SOX5: variants seen among roughly 807,000 people sequenced by gnomAD.
The protein encoded by SOX5 is SRY-box transcription factor 5.
SOX5 carries 9 observed loss-of-function variants against 92.0 expected under a neutral mutation model. The observed-to-expected ratio is 0.10, with a 90% CI of 0.06 to 0.17. The LOEUF (loss-of-function observed/expected upper bound fraction) is 0.17, where lower values mean the gene tolerates loss of function less well. SOX5 is among the 10% of genes least tolerant of loss of function. The probability of loss-of-function intolerance (pLI) is 1.00; values close to 1 mark genes in which losing one functional copy is unlikely to be tolerated. For missense variants in SOX5, 642 were observed against 944.5 expected (o/e 0.68, Z 4.20); for synonymous variants, 344 against 336.3 (o/e 1.02, Z -0.25).
intron 1 of SOX5, among the ~76,000 whole-genome samples, chr12:24,374,027 A>T (rs1224051822): frequency 1.3e-5 from 2 of 152,232 alleles, no homozygotes; most frequent in Non-Finnish European, 2.9e-5. Flanking sequence ...CCCTTTACAA[A>T]ACAAAAGCAA....
chr12:23,549,086 C>A (rs566814766), intron 11 of SOX5, among the ~76,000 whole-genome samples: 1 of 151,912 alleles, frequency 6.6e-6, no homozygotes, highest in Admixed American at 6.6e-5. Flanking sequence ...TTAAATATTT[C>A]CTTTTCTAAA....
At chr12:23,814,018 G>A (rs1224956107) in intron 3 of SOX5, among the ~76,000 whole-genome samples, 1 of 151,932 alleles carries the variant, frequency 6.6e-6, no homozygotes, top group African/African-American at 2.4e-5. Context: ...ATCTAAATGA[G>A]AATTTAAGAG....
chr12:23,813,095 A>C (rs1369372898), intron 3 of SOX5, among the ~76,000 whole-genome samples: 1 of 152,060 alleles, frequency 6.6e-6, no homozygotes, highest in Non-Finnish European at 1.5e-5. Context: ...TTTTTGCCTT[A>C]TGGTTATTTT....
intron 9 of SOX5, among the ~76,000 whole-genome samples, chr12:23,603,447 T>TATATATATATATATATATATATAAA (rs532895230): frequency 2.7e-4 from 19 of 70,670 alleles, no homozygotes; most frequent in Middle Eastern, 6.0e-3. Context: ...ATATATAAAA[T>TATATATATATATATATATATATAAA]ATATATATAT....
chr12:23,810,438 T>C (rs186562786), intron 3 of SOX5, among the ~76,000 whole-genome samples: 1,896 of 152,286 alleles, frequency 0.012, 10 homozygotes, highest in Non-Finnish European at 0.02. Context: ...TGGCAACCTG[T>C]GAAAGTGCCC....
At chr12:23,907,099 T>C (rs1440079925) in intron 1 of SOX5, among the ~76,000 whole-genome samples, 1 of 152,174 alleles carries the variant, frequency 6.6e-6, no homozygotes, top group Non-Finnish European at 1.5e-5. Flanking sequence ...CCATTTCTAT[T>C]GTTCTATCGT....
chr12:24,435,074 C>T (rs570619322), intron 1 of SOX5, among the ~76,000 whole-genome samples: 3 of 152,210 alleles, frequency 2.0e-5, no homozygotes, highest in Non-Finnish European at 2.9e-5. Context: ...GAGAAGAGCA[C>T]TTCATCTCCT....
intron 9 of SOX5, among the ~76,000 whole-genome samples, chr12:23,578,144 A>AAAAAAAAAAAAAAAAAAAAAAAAAAAAG (rs1432589481): frequency 7.4e-6 from 1 of 134,908 alleles, no homozygotes; most frequent in Non-Finnish European, 1.6e-5. Context: ...AAAAAAAAAA[A>AAAAAAAAAAAAAAAAAAAAAAAAAAAAG]AAAAAACTAT....
intron 3 of SOX5, among the ~76,000 whole-genome samples, chr12:23,828,366 G>T (rs1339563526): frequency 2.0e-5 from 3 of 152,220 alleles, no homozygotes; most frequent in Middle Eastern, 3.4e-3. Flanking sequence ...ATAAAATTCA[G>T]ATCTAATTAT....
intron 6 of SOX5, among the ~76,000 whole-genome samples, chr12:23,666,690 C>G (rs2083864300): frequency 6.6e-6 from 1 of 152,088 alleles, no homozygotes; most frequent in Non-Finnish European, 1.5e-5. Flanking sequence ...TAATAAATAT[C>G]TACTATGTGC....
At chr12:24,327,112 T>A (rs146368121) in intron 2 of SOX5, among the ~76,000 whole-genome samples, 93 of 152,318 alleles carry the variant, frequency 6.1e-4, no homozygotes, top group African/African-American at 1.9e-3. Flanking sequence ...AATAGGACAT[T>A]GATAGAAATT....
intron 2 of SOX5, among the ~76,000 whole-genome samples, chr12:23,877,689 A>T (rs1277882741): frequency 6.6e-6 from 1 of 152,146 alleles, no homozygotes; most frequent in African/African-American, 2.4e-5. Flanking sequence ...TGAATACAAA[A>T]AATTGGGATA....
chr12:24,072,642 T>C (rs2137460408), intron 4 of SOX5, among the ~76,000 whole-genome samples: 1 of 152,332 alleles, frequency 6.6e-6, no homozygotes, highest in South Asian at 2.1e-4. Context: ...TTCCAGTCCA[T>C]GGTTCTGTCC....
chr12:23,610,731 G>GA (rs749833560), intron 8 of SOX5, among the ~76,000 whole-genome samples: 1 of 151,758 alleles, frequency 6.6e-6, no homozygotes, highest in African/African-American at 2.4e-5. Context: ...TGCTTGAGAG[G>GA]AAAAAAATAT....
chr12:24,065,040 T>A (rs192937188), intron 4 of SOX5, among the ~76,000 whole-genome samples: 1 of 152,274 alleles, frequency 6.6e-6, no homozygotes, highest in African/African-American at 2.4e-5. Context: ...AAAATAAAAT[T>A]CAGTTGCATA....
chr12:23,965,177 C>T (rs371244096), intron 4 of SOX5, among the ~76,000 whole-genome samples: 2 of 152,190 alleles, frequency 1.3e-5, no homozygotes, highest in Non-Finnish European at 2.9e-5. Flanking sequence ...GGTGTCCCTG[C>T]CTGCCAACTG....
At chr12:24,386,542 C>A (rs1448711965) in intron 1 of SOX5, among the ~76,000 whole-genome samples, 1 of 152,028 alleles carries the variant, frequency 6.6e-6, no homozygotes, top group Non-Finnish European at 1.5e-5. Flanking sequence ...AAATAAACAA[C>A]AGTGAAGAAT....
At chr12:23,624,070 T>C (rs1344347578) in intron 8 of SOX5, among the ~76,000 whole-genome samples, 2 of 152,010 alleles carry the variant, frequency 1.3e-5, no homozygotes, top group Non-Finnish European at 2.9e-5. Flanking sequence ...TTATGTTAAA[T>C]GAATAAAATC....
At chr12:24,129,039 A>C (rs1390630393) in intron 4 of SOX5, among the ~76,000 whole-genome samples, 2 of 152,224 alleles carry the variant, frequency 1.3e-5, no homozygotes, top group African/African-American at 4.8e-5. Context: ...TTACAAGGAC[A>C]TCTGACTACT....
Sources: gnomAD v4.1 joint callset for allele counts (sites outside exome capture counted in the v4.1 genomes callset) on GRCh38, gnomAD v4.1.1 for gene constraint, MANE v1.5 for transcripts, NCBI Gene and HGNC (gene_info 2026-07-23, HGNC 2026-07-21) for gene names.